Variants in DIAPH3 observed in about 807,000 individuals in gnomAD.
DIAPH3 encodes protein diaphanous homolog 3.
A neutral mutation model predicts 144.3 loss-of-function variants in DIAPH3; 117 were observed. That is an observed-to-expected ratio of 0.81 (90% CI 0.70 to 0.95). DIAPH3 has a LOEUF of 0.95. Among genes scored for constraint, DIAPH3 ranks in the 40% least tolerant of loss-of-function variants. The pLI is 0.00. For synonymous variants in DIAPH3, 519 were observed against 488.9 expected, an observed-to-expected ratio of 1.06 and a Z score of -0.81; for missense variants, 1,421 against 1,412.7, an observed-to-expected ratio of 1.01 and a Z score of -0.09.
intron 25 of DIAPH3, among the ~76,000 whole-genome samples, chr13:59,795,963 G>A (rs1393569086): frequency 1.3e-5 from 2 of 152,180 alleles, no homozygotes; most frequent in Non-Finnish European, 2.9e-5. Flanking sequence ...AAGAGGAGAA[G>A]TTGAAATTAG....
intron 27 of DIAPH3, among the ~76,000 whole-genome samples, chr13:59,685,525 C>G (rs189535421): frequency 6.6e-6 from 1 of 152,230 alleles, no homozygotes; most frequent in East Asian, 1.9e-4. Context: ...TATTGTTTAT[C>G]TCCATTTCCC....
chr13:59,983,389 T>C (rs2051157861), intron 13 of DIAPH3, among the ~76,000 whole-genome samples: 1 of 151,560 alleles, frequency 6.6e-6, no homozygotes, highest in Non-Finnish European at 1.5e-5. Flanking sequence ...CACAGAATAT[T>C]AAAACAGTGT....
chr13:60,133,432 CTT>C (rs2059192661), intron 1 of DIAPH3, among the ~76,000 whole-genome samples: 1 of 151,934 alleles, frequency 6.6e-6, no homozygotes, highest in Non-Finnish European at 1.5e-5. Flanking sequence ...AACAGTGAAA[CTT>C]TAAATTTACC....
chr13:59,666,529 T>G lies in DIAPH3; in HGVS notation c.*55A>C, dbSNP rs2032019073. The G allele has an allele frequency of 6.2e-7, 1 of 1,606,734 alleles. No homozygotes were observed. On this transcript the variant is annotated 3_prime_UTR_variant, in exon 28 of 28. Coordinates refer to ENST00000400324, the MANE Select transcript of DIAPH3 (RefSeq NM_001042517.2). ...AAAGCAATTTTTTCAAGTGTTATAG[T>G]TTAGAGCATGGCTTTATATTTGGCT...
intron 3 of DIAPH3, among the ~76,000 whole-genome samples, chr13:60,107,098 T>C (rs563158114): frequency 6.6e-5 from 10 of 152,262 alleles, no homozygotes; most frequent in African/African-American, 2.4e-4. Context: ...GTGTTAACTT[T>C]CTGATTTTGG....
At position 60,163,491 on chromosome 13, in the gene DIAPH3, T is replaced by C. The variant is rs1029053114; in HGVS notation, c.180+96A>G. 10 of 1,522,526 alleles carry C rather than the reference T, an allele frequency of 6.6e-6. No homozygotes were observed. The African/African-American group carries it at 1.2e-4, about 19-fold the overall frequency. 94.3% of individuals were successfully genotyped at this position (1,522,526 alleles called of 1,614,324 possible). On this transcript the variant is annotated intron_variant, in intron 1 of 27. Coordinates refer to ENST00000400324, the MANE Select transcript of DIAPH3 (RefSeq NM_001042517.2). ...CTTTGGCACCTCTGGATCTCTAGAA[T>C]AAAACTTGGTCCCCAAGTTCTTGTG...
intron 20 of DIAPH3, among the ~76,000 whole-genome samples, chr13:59,882,008 C>T (rs994847382): frequency 2.6e-5 from 4 of 152,092 alleles, no homozygotes; most frequent in East Asian, 1.9e-4. Context: ...CAAATGGTTG[C>T]CCTTTTTATT....
At chr13:60,140,875 C>T (rs1267763189) in intron 1 of DIAPH3, among the ~76,000 whole-genome samples, 7 of 151,996 alleles carry the variant, frequency 4.6e-5, no homozygotes, top group African/African-American at 1.4e-4. Context: ...TTTTTTAATG[C>T]ATATTTTCAA....
rs539514175 is a variant in DIAPH3 at position 60,011,324 on chromosome 13, C to T, written c.772-655G>A. 8.5e-5 allele frequency among the ~76,000 whole-genome samples: 13 copies of T among 152,202 alleles called. No homozygotes were observed. In the South Asian group the frequency reaches 2.7e-3, roughly 32 times the overall value. ...ACAAACAGCCAGATACGGAACCAGA[C>T]ACTGAGGCCATGAAAATCTTTTTCC... is the stretch of plus-strand genomic sequence containing the variant. On this transcript the variant is annotated intron_variant, in intron 7 of 27. Transcript: ENST00000400324.
At chr13:59,742,653 AAAAGG>A (rs1045790150) in intron 27 of DIAPH3, among the ~76,000 whole-genome samples, 171 of 151,932 alleles carry the variant, frequency 1.1e-3, no homozygotes, top group African/African-American at 3.6e-3. Context: ...GAAGGAAGGA[AAAAGG>A]AAAGGAAAGG....
chr13:59,720,731 A>G (rs1295237068), intron 27 of DIAPH3, among the ~76,000 whole-genome samples: 2 of 152,214 alleles, frequency 1.3e-5, no homozygotes, highest in East Asian at 3.8e-4. Flanking sequence ...TTAGGCAAAC[A>G]CAGAAGAAAA....
intron 21 of DIAPH3, among the ~76,000 whole-genome samples, chr13:59,878,750 A>T (rs746099601): frequency 1.3e-5 from 2 of 152,152 alleles, no homozygotes; most frequent in Admixed American, 6.6e-5. Flanking sequence ...CGAGTTGCAT[A>T]TATTTCCAAT....
intron 12 of DIAPH3, among the ~76,000 whole-genome samples, chr13:59,988,197 CA>C (rs752387569): frequency 6.6e-6 from 1 of 151,768 alleles, no homozygotes; most frequent in Admixed American, 6.6e-5. Context: ...GGGTACAAAT[CA>C]AAAGTGTTAA....
chr13:59,810,343 T>C (rs552530965), intron 25 of DIAPH3, among the ~76,000 whole-genome samples: 3 of 152,296 alleles, frequency 2.0e-5, no homozygotes, highest in African/African-American at 7.2e-5. Flanking sequence ...AATTGGCTGA[T>C]ATGTCGCTTA....
intron 27 of DIAPH3, among the ~76,000 whole-genome samples, chr13:59,707,201 T>G (rs1372703755): frequency 6.6e-6 from 1 of 152,192 alleles, no homozygotes; most frequent in Non-Finnish European, 1.5e-5. Flanking sequence ...TTTTAAATGT[T>G]TCTGGTCTCA....
At chr13:59,825,814 T>G (rs1271980580) in intron 24 of DIAPH3, among the ~76,000 whole-genome samples, 1 of 152,140 alleles carries the variant, frequency 6.6e-6, no homozygotes, top group Non-Finnish European at 1.5e-5. Context: ...TCATGTGTCT[T>G]TTGGCTGCAT....
chr13:59,903,611 T>TAAA (rs60950452), intron 20 of DIAPH3, among the ~76,000 whole-genome samples: 1 of 140,972 alleles, frequency 7.1e-6, no homozygotes, highest in Non-Finnish European at 1.6e-5. Context: ...TTCTATTCTT[T>TAAA]AAAAAAAAAA....
At chr13:59,950,089 G>C (rs1446013290) in intron 17 of DIAPH3, among the ~76,000 whole-genome samples, 1 of 151,984 alleles carries the variant, frequency 6.6e-6, no homozygotes, top group Admixed American at 6.6e-5. Flanking sequence ...CTAAAACATA[G>C]ATTATAATAT....
At chr13:59,738,568 G>C (rs1007843633) in intron 27 of DIAPH3, among the ~76,000 whole-genome samples, 1 of 151,936 alleles carries the variant, frequency 6.6e-6, no homozygotes, top group East Asian at 1.9e-4. Flanking sequence ...CCACCAAGAC[G>C]GATTTACCCT....
Sources: gnomAD v4.1 joint callset for allele counts (sites outside exome capture counted in the v4.1 genomes callset) on GRCh38, gnomAD v4.1.1 for gene constraint, MANE v1.5 for transcripts, NCBI Gene and HGNC (gene_info 2026-07-23, HGNC 2026-07-21) for gene names.